SLC22A4: variants seen among roughly 807,000 people sequenced by gnomAD.
SLC22A4 encodes the protein solute carrier family 22 member 4.
A neutral mutation model predicts 56.6 loss-of-function variants in SLC22A4; 39 were observed. The ratio of observed to expected loss-of-function variants is 0.69; its 90% CI spans 0.53 to 0.90. SLC22A4 has a LOEUF of 0.90. SLC22A4 is among the 40% of genes least tolerant of loss of function. SLC22A4 has a pLI of 0.00. For missense variants in SLC22A4, 594 were observed against 696.5 expected (o/e 0.85, Z 1.66); for synonymous variants, 241 against 281.4 (o/e 0.86, Z 1.44).
intron 4 of SLC22A4, among the ~76,000 whole-genome samples, chr5:132,322,796 T>C (rs1750582751): frequency 2.6e-5 from 4 of 152,254 alleles, no homozygotes; most frequent in African/African-American, 9.6e-5. Context: ...ACTATGATAG[T>C]GTGCCTATTT....
In SLC22A4 at chr5:132,339,741, C is replaced by T. The variant is rs571456161; in HGVS notation, c.1445-824C>T. Among the ~76,000 whole-genome samples, 3 of 152,276 alleles carry T rather than the reference C, an allele frequency of 2.0e-5. No homozygotes were observed. The East Asian group carries it at 5.8e-4, about 29-fold the overall frequency. ...TACATAAGACAGGGAGTCCAAGAGT[C>T]TCCTACTCCACACAGCTACTCCTGT... On this transcript the variant is annotated intron_variant, in intron 8 of 9. Transcript: ENST00000200652.
chr5:132,300,353 G>A lies in SLC22A4; in HGVS notation c.393+5344G>A, dbSNP rs530819097. On this transcript the variant is annotated intron_variant, in intron 1 of 9. Coordinates refer to ENST00000200652, the MANE Select transcript of SLC22A4 (RefSeq NM_003059.3). ...ATAAATATCTTAAGGGAGGTTCTTC[G>A]AGATTATACAAAATCCTGTGTCTCC... is the stretch of plus-strand genomic sequence containing the variant. Among the ~76,000 whole-genome samples, 40 of 152,238 alleles carry A rather than the reference G, an allele frequency of 2.6e-4. No individual in the cohort carries two copies. The East Asian group carries it at 7.3e-3, about 28-fold the overall frequency.
At chr5:132,300,855 C>G (rs905926502) in intron 1 of SLC22A4, among the ~76,000 whole-genome samples, 1 of 152,194 alleles carries the variant, frequency 6.6e-6, no homozygotes, top group Admixed American at 6.5e-5. Flanking sequence ...TGGGTTGGGA[C>G]TGAAGCTTCT....
At chr5:132,306,384 A>AATATAT (rs55779142) in intron 1 of SLC22A4, among the ~76,000 whole-genome samples, 8 of 30,600 alleles carry the variant, frequency 2.6e-4, no homozygotes, top group Admixed American at 4.8e-4. Context: ...CAAACCGTGA[A>AATATAT]ATATATATAT....
At chr5:132,305,421 C>T (rs1460580573) in intron 1 of SLC22A4, among the ~76,000 whole-genome samples, 2 of 152,102 alleles carry the variant, frequency 1.3e-5, no homozygotes, top group African/African-American at 4.8e-5. Context: ...CATTAATCTA[C>T]ACCTTTCAGA....
intron 3 of SLC22A4, 51 bp downstream of exon 3, chr5:132,313,819 G>A: frequency 6.3e-7 from 1 of 1,577,360 alleles, no homozygotes; most frequent in Non-Finnish European, 8.7e-7. Flanking sequence ...CCTCTGAAAG[G>A]CCCAGAAAGA....
chr5:132,333,869 G>A (rs1750937337), intron 6 of SLC22A4, among the ~76,000 whole-genome samples: 1 of 151,956 alleles, frequency 6.6e-6, no homozygotes, highest in Non-Finnish European at 1.5e-5. Context: ...GCAATGGTGC[G>A]ATCTCAGCTC....
intron 3 of SLC22A4, among the ~76,000 whole-genome samples, chr5:132,321,864 C>T (rs1021000954): frequency 2.6e-5 from 4 of 151,910 alleles, no homozygotes; most frequent in Non-Finnish European, 5.9e-5. Flanking sequence ...GCTGAGATCA[C>T]GCCACTGCAC....
At position 132,335,894 on chromosome 5, in the gene SLC22A4, C is replaced by T. The variant is rs1394431271; in HGVS notation, c.1338C>T (p.Val446=). 3.7e-6 allele frequency: 6 copies of T among 1,613,988 alleles called. No homozygotes were observed. The highest frequency in any genetic ancestry group is 5.1e-6 in the Non-Finnish European group (6 of 1,179,992). Residue 446 remains valine, a synonymous_variant, in exon 8 of 10, where the codon GTC becomes GTT. Transcript: ENST00000200652. The stretch of plus-strand genomic sequence containing the variant: ...CCTCTGCTTTCTCCATGCTGTATGT[C>T]TTCACTGCTGAGCTCTACCCAACCC... ...GITSAFSMLY[V]FTAELYPTLV...
At chr5:132,313,851 C>A (rs1750257586) in intron 3 of SLC22A4, 83 bp downstream of exon 3, 49 of 1,410,566 alleles carry the variant, frequency 3.5e-5, no homozygotes, top group Non-Finnish European at 4.9e-5. Context: ...GGCCATTGGG[C>A]TGTGCTTCCA....
chr5:132,295,337 C>A (rs1749757579), intron 1 of SLC22A4: 1 of 567,220 alleles, frequency 1.8e-6, no homozygotes, highest in Non-Finnish European at 3.4e-6. Context: ...TACCCAGACG[C>A]ACTGCCTGAG....
At chr5:132,336,119 C>G in intron 8 of SLC22A4, 119 bp downstream of exon 8, 4 of 1,019,976 alleles carry the variant, frequency 3.9e-6, no homozygotes, top group Non-Finnish European at 6.0e-6. Flanking sequence ...ACAAGTTCAC[C>G]TCTCCTCTCC....
intron 1 of SLC22A4, among the ~76,000 whole-genome samples, chr5:132,308,109 G>C (rs1750083165): frequency 6.6e-6 from 1 of 152,190 alleles, no homozygotes; most frequent in Non-Finnish European, 1.5e-5. Context: ...TCAGGTTTTA[G>C]AACTCTGTCC....
rs1242126944 is a variant in SLC22A4 at position 132,294,609 on chromosome 5, T to C, written c.-8T>C. ...GTAGTTGCAAGTTTCGGAGCGGCAG[T>C]GGGAAGCATGCGGGACTACGACGAG... is the stretch of plus-strand genomic sequence containing the variant. On this transcript the variant is annotated 5_prime_UTR_variant, in exon 1 of 10. Coordinates refer to ENST00000200652, the MANE Select transcript of SLC22A4 (RefSeq NM_003059.3). This position sits in a 1 kb window ranked among gnomAD's most constrained non-coding sequence, Gnocchi z 5.6. 3 of 1,614,080 alleles carry C rather than the reference T, an allele frequency of 1.9e-6. No individual in the cohort carries two copies. Among genetic ancestry groups the C allele is most frequent in the Admixed American group, 3.3e-5 (2 of 60,032 alleles).
intron 1 of SLC22A4, among the ~76,000 whole-genome samples, chr5:132,295,887 C>T (rs1193105036): frequency 6.6e-6 from 1 of 152,248 alleles, no homozygotes; most frequent in Non-Finnish European, 1.5e-5. Flanking sequence ...TGAGTGGCCT[C>T]TGCTAGTCCC....
intron 5 of SLC22A4, among the ~76,000 whole-genome samples, chr5:132,328,007 A>T (rs1239782248): frequency 6.6e-6 from 1 of 152,234 alleles, no homozygotes; most frequent in Non-Finnish European, 1.5e-5. Context: ...TCCTAGAGGA[A>T]ATAAGAAAAG....
chr5:132,326,456 T>C (rs1333772639), intron 4 of SLC22A4, among the ~76,000 whole-genome samples: 2 of 152,178 alleles, frequency 1.3e-5, no homozygotes, highest in African/African-American at 2.4e-5. Context: ...TTTTCTCCTA[T>C]AGTAGAAAAA....
chr5:132,298,925 C>A lies in SLC22A4; in HGVS notation c.393+3916C>A, dbSNP rs149945991. ...GCTGGAGGCTGAGCCCCTCTCCCCA[C>A]AGTGGCAGTTCCAAGCCTCAGAGAA... is the stretch of plus-strand genomic sequence containing the variant. On this transcript the variant is annotated intron_variant, in intron 1 of 9. Coordinates refer to ENST00000200652, the MANE Select transcript of SLC22A4 (RefSeq NM_003059.3). 8.3e-3 allele frequency among the ~76,000 whole-genome samples: 1,260 copies of A among 152,336 alleles called. 24 individuals carry two copies. The highest frequency in any genetic ancestry group is 0.029 in the African/African-American group (1,212 of 41,558).
Position 132,310,209 on chromosome 5 carries a change from A to G in SLC22A4, c.394-1952A>G, listed in dbSNP as rs542764150. On this transcript the variant is annotated intron_variant, in intron 1 of 9. Coordinates refer to ENST00000200652, the MANE Select transcript of SLC22A4 (RefSeq NM_003059.3). Reference sequence around the variant, plus strand: ...GGTTCTGAGGCCCAAGTAGGTATCTATCATGCTCATTTACTTGCTATGACT... The same window carrying G: ...GGTTCTGAGGCCCAAGTAGGTATCTGTCATGCTCATTTACTTGCTATGACT... Among the ~76,000 whole-genome samples the G allele has an allele frequency of 6.6e-5, 10 of 152,358 alleles. No homozygotes were observed. In the East Asian group the frequency reaches 1.7e-3, roughly 26 times the overall value.
Sources: gnomAD v4.1 joint callset for allele counts (sites outside exome capture counted in the v4.1 genomes callset) on GRCh38, gnomAD v4.1.1 for gene constraint, Gnocchi (gnomAD v3.1) non-coding constraint, MANE v1.5 for transcripts, NCBI Gene and HGNC (gene_info 2026-07-23, HGNC 2026-07-21) for gene names.